INTS7: variants seen among roughly 807,000 people sequenced by gnomAD.
INTS7 encodes chromosome 1 open reading frame 73.
INTS7 carries 46 observed loss-of-function variants against 109.2 expected under a neutral mutation model. That is an observed-to-expected ratio of 0.42 (90% CI 0.33 to 0.54). The LOEUF is 0.54. Among genes scored for constraint, INTS7 ranks in the 20% least tolerant of loss-of-function variants. The probability of loss-of-function intolerance (pLI) is 0.07; values close to 1 mark genes in which losing one functional copy is unlikely to be tolerated. For missense variants in INTS7, 929 were observed against 1,132.4 expected (o/e 0.82, Z 2.58); for synonymous variants, 412 against 402.9 (o/e 1.02, Z -0.27).
intron 11 of INTS7, among the ~76,000 whole-genome samples, chr1:211,977,194 G>T (rs1188962812): frequency 1.3e-5 from 2 of 152,158 alleles, no homozygotes; most frequent in Non-Finnish European, 2.9e-5. Flanking sequence ...CAGGATAGTG[G>T]TTACCTGAGA....
At chr1:212,002,643 T>C (rs1290671155) in intron 7 of INTS7, among the ~76,000 whole-genome samples, 1 of 152,218 alleles carries the variant, frequency 6.6e-6, no homozygotes, top group Non-Finnish European at 1.5e-5. Flanking sequence ...CATTCCCTTC[T>C]TTAGGTCTTT....
At chr1:211,980,890 C>A (rs1393327060) in intron 10 of INTS7, among the ~76,000 whole-genome samples, 1 of 152,140 alleles carries the variant, frequency 6.6e-6, no homozygotes, top group African/African-American at 2.4e-5. Context: ...AATTAATGAA[C>A]ATTTATGAGT....
chr1:211,976,527 G>A, intron 12 of INTS7, 55 bp downstream of exon 12: 1 of 1,471,660 alleles, frequency 6.8e-7, no homozygotes, highest in Non-Finnish European at 9.3e-7. Context: ...TACAATTGAA[G>A]ATACATGATC....
At chr1:212,025,690 GA>G (rs78348028) in intron 1 of INTS7, 686 of 144,770 alleles carry the variant, frequency 4.7e-3, no homozygotes, top group East Asian at 0.016. Flanking sequence ...GCTGTACCAG[GA>G]AAAAAAAAAA....
At chr1:212,013,799 CA>C (rs1355577740) in intron 4 of INTS7, among the ~76,000 whole-genome samples, 2 of 152,208 alleles carry the variant, frequency 1.3e-5, no homozygotes, top group Non-Finnish European at 2.9e-5. Context: ...TACAGGTTTA[CA>C]GCCTGGGGCA....
intron 16 of INTS7, among the ~76,000 whole-genome samples, chr1:211,954,148 T>C (rs1175271952): frequency 3.3e-5 from 5 of 152,332 alleles, no homozygotes; most frequent in South Asian, 2.1e-4. Flanking sequence ...CTCTGATGGC[T>C]AGTGATGGTG....
At chr1:212,019,992 C>T (rs897173356) in intron 3 of INTS7, 130 bp downstream of exon 3, 3 of 589,920 alleles carry the variant, frequency 5.1e-6, no homozygotes, top group Non-Finnish European at 5.4e-6. Flanking sequence ...ACAGTTTTGC[C>T]TTGACTCTTA....
intron 7 of INTS7, among the ~76,000 whole-genome samples, chr1:211,996,223 A>G (rs1665379193): frequency 6.6e-6 from 1 of 152,142 alleles, no homozygotes; most frequent in Non-Finnish European, 1.5e-5. Context: ...GGAGTTCAAG[A>G]CCAGCCTGGT....
At chr1:211,986,842 C>T (rs1664914777) in intron 8 of INTS7, among the ~76,000 whole-genome samples, 1 of 152,130 alleles carries the variant, frequency 6.6e-6, no homozygotes, top group Admixed American at 6.5e-5. Context: ...GTCTTTTTAG[C>T]TTCCTATTAA....
At chr1:212,023,681 C>T (rs1053690634) in intron 1 of INTS7, among the ~76,000 whole-genome samples, 19 of 152,068 alleles carry the variant, frequency 1.2e-4, no homozygotes, top group Admixed American at 1.0e-3. Context: ...ATATTTTCTC[C>T]CATTCTGTAG....
At chr1:212,008,179 C>T (rs1666018948) in intron 5 of INTS7, among the ~76,000 whole-genome samples, 1 of 152,128 alleles carries the variant, frequency 6.6e-6, no homozygotes, top group African/African-American at 2.4e-5. Flanking sequence ...CCAACAGTTG[C>T]CTACGTCAAT....
Position 211,987,917 on chromosome 1 carries a change from G to A in INTS7, c.966C>T (p.Ile322=), listed in dbSNP as rs773173864. The A allele has an allele frequency of 7.5e-6, 12 of 1,607,160 alleles. No individual in the cohort carries two copies. The highest frequency in any genetic ancestry group is 6.7e-5 in the Admixed American group (4 of 59,880). The change falls in exon 8 of 20, where the codon ATC becomes ATT. Residue 322 remains isoleucine, a synonymous_variant. Coordinates refer to ENST00000366994, the MANE Select transcript of INTS7 (RefSeq NM_015434.4). The part of the protein sequence containing the change: ...LSVLSTLSGT[I]AIKHYFSIVP... Reference sequence around the variant, plus strand: ...CTATACTGAAGTAATGTTTGATGGCGATGGTCCCTGATAGTGTGGAAAGGA... The same window carrying A: ...CTATACTGAAGTAATGTTTGATGGCAATGGTCCCTGATAGTGTGGAAAGGA...
At chr1:212,003,305 CAAA>C (rs35903155) in intron 7 of INTS7, among the ~76,000 whole-genome samples, 3,096 of 61,880 alleles carry the variant, frequency 0.05, 38 homozygotes, top group African/African-American at 0.075. Context: ...AATTTTAAAG[CAAA>C]AAAAAAAAAA....
chr1:212,017,518 C>T (rs1424570337), intron 3 of INTS7, among the ~76,000 whole-genome samples: 1 of 152,178 alleles, frequency 6.6e-6, no homozygotes, highest in Non-Finnish European at 1.5e-5. Flanking sequence ...GTTGAGGACG[C>T]CCCTGGGGCT....
chr1:211,970,231 C>T (rs138404526), intron 13 of INTS7, among the ~76,000 whole-genome samples: 4 of 152,246 alleles, frequency 2.6e-5, no homozygotes, highest in East Asian at 3.9e-4. Flanking sequence ...GTAGCATTAG[C>T]TAGGTAGAAA....
At chr1:211,954,982 T>C (rs1280881695) in intron 16 of INTS7, among the ~76,000 whole-genome samples, 2 of 152,252 alleles carry the variant, frequency 1.3e-5, no homozygotes, top group African/African-American at 2.4e-5. Context: ...ATAAATTACC[T>C]TGGGTAGTAT....
chr1:211,976,896 A>C (rs530698472), intron 11 of INTS7, among the ~76,000 whole-genome samples, 177 bp from the exon 12 acceptor site: 4 of 152,282 alleles, frequency 2.6e-5, no homozygotes, highest in African/African-American at 9.6e-5. Flanking sequence ...CCATTCACTC[A>C]GGGCACTCTT....
intron 8 of INTS7, among the ~76,000 whole-genome samples, chr1:211,983,603 T>C (rs1244857016): frequency 4.0e-5 from 6 of 151,798 alleles, no homozygotes. Flanking sequence ...CTTAAAAGAG[T>C]CTCCCATTCC....
intron 7 of INTS7, among the ~76,000 whole-genome samples, chr1:211,993,427 C>T (rs2102446729): frequency 6.6e-6 from 1 of 152,336 alleles, no homozygotes; most frequent in African/African-American, 2.4e-5. Flanking sequence ...CGCCTGTAAT[C>T]CCAGCACTTT....
Sources: allele counts gnomAD v4.1 joint callset (sites outside exome capture counted in the v4.1 genomes callset), GRCh38; gene constraint gnomAD v4.1.1; transcripts MANE v1.5; gene names NCBI Gene and HGNC (gene_info 2026-07-23, HGNC 2026-07-21).